Variants in AAK1 observed in about 807,000 individuals in gnomAD.
AAK1 encodes the protein AP2 associated kinase 1, also known as AP2-associated protein kinase 1.
In AAK1, 37 loss-of-function variants were observed where a neutral mutation model predicts 116.0. That is an observed-to-expected ratio of 0.32 (90% CI 0.25 to 0.42). The LOEUF (loss-of-function observed/expected upper bound fraction) is 0.42. AAK1 is among the 10% of genes least tolerant of loss of function. The pLI, the probability that AAK1 is intolerant of heterozygous loss-of-function variation, is 1.00. For missense variants in AAK1, 919 were observed against 1,170.6 expected (o/e 0.79, Z 3.14); for synonymous variants, 458 against 439.9 (o/e 1.04, Z -0.51).
Position 69,469,474 on chromosome 2 carries a change from T to C in AAK1, c.*6395A>G. 2 of 985,462 alleles carry C rather than the reference T, an allele frequency of 2.0e-6. No homozygotes were observed. The highest frequency in any genetic ancestry group is 2.4e-6 in the Non-Finnish European group (2 of 829,938). The allele number at this position is 985,462 out of a possible 1,614,324, so 61.0% of individuals were successfully genotyped here. A position where few individuals can be genotyped will look rare whatever the true frequency, so the allele number is the denominator to read the frequency against. On this transcript the variant is annotated 3_prime_UTR_variant, in exon 22 of 22. Coordinates refer to ENST00000409085, the MANE Select transcript of AAK1 (RefSeq NM_014911.5). Reference sequence around the variant, plus strand: ...GTTCCTTTATATGAAGGTAGCATTGTGTCAACAAGAAAACGTGTTTGAAGC... The same window carrying C: ...GTTCCTTTATATGAAGGTAGCATTGCGTCAACAAGAAAACGTGTTTGAAGC...
At position 69,468,767 on chromosome 2, in the gene AAK1, A is replaced by G. The variant is rs1397618477; in HGVS notation, c.*7102T>C. On this transcript the variant is annotated 3_prime_UTR_variant, in exon 22 of 22. Coordinates refer to ENST00000409085, the MANE Select transcript of AAK1 (RefSeq NM_014911.5). Reference sequence around the variant, plus strand: ...CTAGATTACATTTTGAGAACTAGGAAGTACCAAGGGGTGTGTGTATGTGCC... The same window carrying G: ...CTAGATTACATTTTGAGAACTAGGAGGTACCAAGGGGTGTGTGTATGTGCC... The G allele has an allele frequency of 1.0e-6, 1 of 985,350 alleles. No homozygotes were observed. The highest frequency in any genetic ancestry group is 1.2e-6 in the Non-Finnish European group (1 of 829,940). 61.0% of individuals were successfully genotyped at this position (985,350 alleles called of 1,614,324 possible).
At chr2:69,505,273 ATTTG>A (rs1676139593) in intron 16 of AAK1, among the ~76,000 whole-genome samples, 1 of 152,164 alleles carries the variant, frequency 6.6e-6, no homozygotes, top group Admixed American at 6.6e-5. Context: ...ATCTAGAAAT[ATTTG>A]TTTAAGACGT....
chr2:69,568,499 T>C (rs982179541), intron 2 of AAK1, among the ~76,000 whole-genome samples: 1 of 150,704 alleles, frequency 6.6e-6, no homozygotes, highest in Admixed American at 6.6e-5. Context: ...GGTGCAATCA[T>C]GGCTCACTGA....
At chr2:69,640,113 T>C (rs1413186085) in intron 2 of AAK1, among the ~76,000 whole-genome samples, 1 of 150,246 alleles carries the variant, frequency 6.7e-6, no homozygotes, top group Non-Finnish European at 1.5e-5. Context: ...ATGTATAACG[T>C]TGCTGGTAAG....
In AAK1 at chr2:69,518,521, C is replaced by A. The variant is rs547065537; in HGVS notation, c.1497+433G>T. On this transcript the variant is annotated intron_variant, in intron 12 of 21. Transcript: ENST00000409085. ...TGAACCTCTGCCTCCTGGGTTCAAGCGATTCTTCTGCCTCAGCTTCCCAAG... is the reference window on the plus strand; with the variant it reads ...TGAACCTCTGCCTCCTGGGTTCAAGAGATTCTTCTGCCTCAGCTTCCCAAG... 4.0e-5 allele frequency among the ~76,000 whole-genome samples: 6 copies of A among 150,668 alleles called. No homozygotes were observed. In the East Asian group the frequency reaches 5.9e-4, roughly 15 times the overall value.
At chr2:69,598,050 G>C in intron 2 of AAK1, 1 of 497,644 alleles carries the variant, frequency 2.0e-6, no homozygotes, top group Non-Finnish European at 3.2e-6. Context: ...TGCTTAGAGG[G>C]TGAACACCTT....
At chr2:69,582,398 CGT>C (rs1021770768) in intron 2 of AAK1, among the ~76,000 whole-genome samples, 2 of 150,280 alleles carry the variant, frequency 1.3e-5, no homozygotes, top group South Asian at 2.1e-4. Flanking sequence ...TGTGTGTGTG[CGT>C]GTGTGTGCGC....
intron 18 of AAK1, chr2:69,481,504 G>C (rs1299552629): frequency 2.6e-5 from 4 of 152,466 alleles, no homozygotes; most frequent in African/African-American, 9.7e-5. Context: ...CCAGGATGTA[G>C]CTGGGAGGCC....
intron 2 of AAK1, among the ~76,000 whole-genome samples, chr2:69,641,836 T>TA (rs1573038011): frequency 1.3e-5 from 2 of 152,118 alleles, no homozygotes; most frequent in East Asian, 3.9e-4. Context: ...CATGTTGCAG[T>TA]AAGAGAGACC....
At chr2:69,641,210 G>A (rs754312522) in intron 2 of AAK1, among the ~76,000 whole-genome samples, 8 of 152,222 alleles carry the variant, frequency 5.3e-5, no homozygotes, top group African/African-American at 1.4e-4. Flanking sequence ...CAACATCCTA[G>A]CTGAACAAAA....
chr2:69,640,071 T>TCC (rs1675647052), intron 2 of AAK1, among the ~76,000 whole-genome samples: 1 of 150,238 alleles, frequency 6.7e-6, no homozygotes, highest in Non-Finnish European at 1.5e-5. Context: ...TCTCTCTCTC[T>TCC]CTCTCTCTCC....
At chr2:69,579,852 GAGGTCCAGACCCAT>G (rs1672469965) in intron 2 of AAK1, among the ~76,000 whole-genome samples, 1 of 152,070 alleles carries the variant, frequency 6.6e-6, no homozygotes, top group South Asian at 2.1e-4. Flanking sequence ...ACTATCTCCA[GAGGTCCAGACCCAT>G]ATATTTGACT....
At position 69,476,908 on chromosome 2, in the gene AAK1, A is replaced by T. The variant is rs1409219639; in HGVS notation, c.2763T>A (p.Ile921=). The T allele has an allele frequency of 1.9e-6, 3 of 1,613,532 alleles. No homozygotes were observed. The highest frequency in any genetic ancestry group is 2.7e-5 in the African/African-American group (2 of 74,862). Residue 921 remains isoleucine, a synonymous_variant, in exon 21 of 22, where the codon ATT becomes ATA. Coordinates refer to ENST00000409085, the MANE Select transcript of AAK1 (RefSeq NM_014911.5). ...GTGGGTTTTTGGTTATCAATACAGGAATAGGGTCAAACTCATCTTCAGCCA... is the reference window on the plus strand; with the variant it reads ...GTGGGTTTTTGGTTATCAATACAGGTATAGGGTCAAACTCATCTTCAGCCA... ...DKVAEDEFDP[I]PVLITKNPQG...
intron 3 of AAK1, 87 bp downstream of exon 3, chr2:69,556,773 G>A (rs1475601456): frequency 9.9e-7 from 1 of 1,010,798 alleles, no homozygotes; most frequent in Non-Finnish European, 1.5e-6. Context: ...TCTCAGGGAA[G>A]GGAACAAACC....
In AAK1 at chr2:69,472,622, T is replaced by C. The variant is rs765577893; in HGVS notation, c.*3247A>G. ...GCCTTATCTCCTCTGAGGTATGTAT[T>C]TTTGAAAACATTGGGACTCATTTGA... On this transcript the variant is annotated 3_prime_UTR_variant, in exon 22 of 22. Transcript: ENST00000409085. The C allele has an allele frequency of 5.2e-5, 51 of 985,420 alleles. No individual in the cohort carries two copies. The highest frequency in any genetic ancestry group is 6.1e-5 in the Non-Finnish European group (51 of 829,894). The allele number at this position is 985,420 out of a possible 1,614,324, so 61.0% of individuals were successfully genotyped here.
intron 2 of AAK1, among the ~76,000 whole-genome samples, chr2:69,566,384 T>C (rs767756461): frequency 5.1e-4 from 77 of 152,134 alleles, no homozygotes; most frequent in Non-Finnish European, 1.1e-3. Flanking sequence ...AAAATCATCA[T>C]GTGCCAGCTC....
At chr2:69,535,491 A>C (rs1482398614) in intron 5 of AAK1, among the ~76,000 whole-genome samples, 2 of 152,200 alleles carry the variant, frequency 1.3e-5, no homozygotes, top group African/African-American at 4.8e-5. Flanking sequence ...ACTGGGGATA[A>C]GAAGAAAATA....
chr2:69,511,727 G>A (rs1385882888), intron 13 of AAK1, among the ~76,000 whole-genome samples: 1 of 152,196 alleles, frequency 6.6e-6, no homozygotes, highest in Admixed American at 6.5e-5. Flanking sequence ...TTTTACATCC[G>A]AAGTTGTTTT....
chr2:69,518,790 G>A (rs1214310611), intron 12 of AAK1, among the ~76,000 whole-genome samples, 164 bp downstream of exon 12: 1 of 152,168 alleles, frequency 6.6e-6, no homozygotes, highest in Non-Finnish European at 1.5e-5. Context: ...AAGGGTGAAA[G>A]GGGTGTGAGT....
Sources: allele counts gnomAD v4.1 joint callset (sites outside exome capture counted in the v4.1 genomes callset), GRCh38; gene constraint gnomAD v4.1.1; transcripts MANE v1.5; gene names NCBI Gene and HGNC (gene_info 2026-07-23, HGNC 2026-07-21).